CRTAC1: variants seen among roughly 807,000 people sequenced by gnomAD.
CRTAC1 encodes the protein cartilage acidic protein 1.
In CRTAC1, 37 loss-of-function variants were observed where a neutral mutation model predicts 67.8. The observed-to-expected ratio is 0.55, with a 90% CI of 0.42 to 0.72. CRTAC1 has a LOEUF of 0.72. Ranked by LOEUF, CRTAC1 falls within the 30% of genes least tolerant of loss-of-function variation. CRTAC1 has a pLI of 0.00. For missense variants in CRTAC1, 780 were observed against 931.6 expected, an observed-to-expected ratio of 0.84 and a Z score of 2.12; for synonymous variants, 348 against 371.0, an observed-to-expected ratio of 0.94 and a Z score of 0.71.
At chr10:97,879,310 A>G (rs1302454952) in intron 14 of CRTAC1, among the ~76,000 whole-genome samples, 4 of 152,202 alleles carry the variant, frequency 2.6e-5, no homozygotes, top group East Asian at 1.9e-4. Flanking sequence ...CACATGGTAC[A>G]TTATCGGATC....
intron 14 of CRTAC1, among the ~76,000 whole-genome samples, chr10:97,874,902 C>T (rs377536121): frequency 2.8e-4 from 42 of 152,280 alleles, no homozygotes; most frequent in African/African-American, 7.9e-4. Flanking sequence ...CTCCATAGCA[C>T]GTATCATGCT....
intron 2 of CRTAC1, among the ~76,000 whole-genome samples, chr10:97,956,274 T>C (rs915685180): frequency 2.1e-4 from 32 of 152,258 alleles, no homozygotes; most frequent in Non-Finnish European, 4.4e-4. Flanking sequence ...GCACTTTATA[T>C]GCATGTTCTC....
chr10:97,997,616 T>C (rs1465801622), intron 2 of CRTAC1, among the ~76,000 whole-genome samples: 3 of 152,066 alleles, frequency 2.0e-5, no homozygotes. Context: ...ATTAGAACTG[T>C]CAAATACAGA....
intron 2 of CRTAC1, among the ~76,000 whole-genome samples, chr10:98,009,201 T>G (rs1175427824): frequency 6.6e-6 from 1 of 152,254 alleles, no homozygotes; most frequent in East Asian, 1.9e-4. Flanking sequence ...CCAATTCAAA[T>G]GTGGCTATTT....
At chr10:97,985,361 T>C (rs1217071284) in intron 2 of CRTAC1, among the ~76,000 whole-genome samples, 1 of 152,190 alleles carries the variant, frequency 6.6e-6, no homozygotes, top group African/African-American at 2.4e-5. Flanking sequence ...GCTGATGGAA[T>C]CTTTCTTCTT....
chr10:98,011,360 T>C lies in CRTAC1; in HGVS notation c.25-23A>G, dbSNP rs769964318. On this transcript the variant is annotated intron_variant, in intron 1 of 14. Coordinates refer to ENST00000370597, the MANE Select transcript of CRTAC1 (RefSeq NM_018058.7). Reference sequence around the variant, plus strand: ...CATCTGAAACCAAAAGTGACAAATGTTACCGAAAGAACCTGTAACCAAAGC... The same window carrying C: ...CATCTGAAACCAAAAGTGACAAATGCTACCGAAAGAACCTGTAACCAAAGC... 43 of 1,612,404 alleles carry C rather than the reference T, an allele frequency of 2.7e-5. 1 individual carries two copies. In the Admixed American group the frequency reaches 3.8e-4, roughly 14 times the overall value.
At chr10:97,985,656 C>T (rs1024083095) in intron 2 of CRTAC1, among the ~76,000 whole-genome samples, 6 of 152,228 alleles carry the variant, frequency 3.9e-5, no homozygotes, top group African/African-American at 1.4e-4. Context: ...CTTGCCTCTG[C>T]AAAGTGCCGA....
At chr10:97,950,939 GGAA>G (rs1279815071) in intron 2 of CRTAC1, among the ~76,000 whole-genome samples, 1 of 152,208 alleles carries the variant, frequency 6.6e-6, no homozygotes, top group Non-Finnish European at 1.5e-5. Flanking sequence ...CACGGCTTGA[GGAA>G]GGAGAAGTTG....
intron 2 of CRTAC1, among the ~76,000 whole-genome samples, chr10:97,945,906 C>T (rs1305778263): frequency 1.3e-5 from 2 of 152,180 alleles, no homozygotes; most frequent in Admixed American, 6.5e-5. Flanking sequence ...TGATTGATTT[C>T]GGCCTTGTTC....
chr10:97,946,377 CA>C (rs1330843395), intron 2 of CRTAC1, among the ~76,000 whole-genome samples: 3 of 152,228 alleles, frequency 2.0e-5, no homozygotes, highest in African/African-American at 7.2e-5. Context: ...CTCATTCTCT[CA>C]CATGATCCTC....
chr10:98,005,374 G>T (rs1161605553), intron 2 of CRTAC1, among the ~76,000 whole-genome samples: 1 of 150,358 alleles, frequency 6.7e-6, no homozygotes, highest in Non-Finnish European at 1.5e-5. Context: ...CAAAGTGCTG[G>T]GATTACAGGC....
chr10:97,982,891 A>G (rs1163835489), intron 2 of CRTAC1, among the ~76,000 whole-genome samples: 1 of 152,250 alleles, frequency 6.6e-6, no homozygotes, highest in Non-Finnish European at 1.5e-5. Context: ...AACACAGAGT[A>G]AATTAACAAA....
rs181350764 is a variant in CRTAC1 at position 97,941,797 on chromosome 10, C to G, written c.225-5431G>C. On this transcript the variant is annotated intron_variant, in intron 2 of 14. Transcript: ENST00000370597. ...CTAATTTAACTCCCCCACACTGTAG[C>G]CAGAGTCATCTTTTTTACTGCATAA... Among the ~76,000 whole-genome samples the G allele has an allele frequency of 5.9e-5, 9 of 152,320 alleles. No homozygotes were observed. In the East Asian group the frequency reaches 1.5e-3, roughly 26 times the overall value.
intron 3 of CRTAC1, among the ~76,000 whole-genome samples, chr10:97,930,876 T>C (rs1337123797): frequency 6.7e-6 from 1 of 149,078 alleles, no homozygotes; most frequent in Non-Finnish European, 1.5e-5. Flanking sequence ...TCCAAGTCCA[T>C]AAAAAGGAAA....
At chr10:98,004,266 GA>G (rs1434355909) in intron 2 of CRTAC1, among the ~76,000 whole-genome samples, 6 of 152,166 alleles carry the variant, frequency 3.9e-5, no homozygotes, top group African/African-American at 1.4e-4. Flanking sequence ...TCAGCAGTTT[GA>G]ATCAGAAAGT....
At chr10:97,894,405 T>C (rs1166774734) in intron 11 of CRTAC1, among the ~76,000 whole-genome samples, 1 of 151,890 alleles carries the variant, frequency 6.6e-6, no homozygotes, top group Non-Finnish European at 1.5e-5. Context: ...GCTTTTTTTA[T>C]TTTTTGAGAC....
chr10:97,917,214 A>G (rs1198539284), intron 5 of CRTAC1, among the ~76,000 whole-genome samples: 1 of 152,240 alleles, frequency 6.6e-6, no homozygotes. Context: ...GGTTCCAGGG[A>G]GAAAATGATG....
At chr10:98,004,979 T>C (rs1842755066) in intron 2 of CRTAC1, among the ~76,000 whole-genome samples, 1 of 149,372 alleles carries the variant, frequency 6.7e-6, no homozygotes, top group African/African-American at 2.5e-5. Flanking sequence ...TGGGATGGTC[T>C]TGAAGGAGTG....
At chr10:98,018,452 C>T (rs978084552) in intron 1 of CRTAC1, among the ~76,000 whole-genome samples, 5 of 152,206 alleles carry the variant, frequency 3.3e-5, no homozygotes, top group South Asian at 2.1e-4. Flanking sequence ...CCAACTTGCA[C>T]GTTCCCCTTC....
Sources: allele counts gnomAD v4.1 joint callset (sites outside exome capture counted in the v4.1 genomes callset), GRCh38; gene constraint gnomAD v4.1.1; transcripts MANE v1.5; gene names NCBI Gene and HGNC (gene_info 2026-07-23, HGNC 2026-07-21).